PCCA: variants seen among roughly 807,000 people sequenced by gnomAD.
PCCA encodes propionyl-CoA carboxylase subunit alpha.
PCCA carries 74 observed loss-of-function variants against 101.3 expected under a neutral mutation model. The observed-to-expected ratio is 0.73, with a 90% CI of 0.61 to 0.89. PCCA has a LOEUF of 0.89. Among genes scored for constraint, PCCA ranks in the 40% least tolerant of loss-of-function variants. The probability of loss-of-function intolerance (pLI) is 0.00; values close to 1 mark genes in which losing one functional copy is unlikely to be tolerated. For synonymous variants in PCCA, 294 were observed against 313.6 expected (o/e 0.94, Z 0.66); for missense variants, 891 against 907.0 (o/e 0.98, Z 0.23).
intron 21 of PCCA, among the ~76,000 whole-genome samples, chr13:100,511,633 G>A (rs1425400519): frequency 6.6e-6 from 1 of 152,164 alleles, no homozygotes; most frequent in Non-Finnish European, 1.5e-5. Context: ...AATTGTTACT[G>A]GAAGAATGAC....
At chr13:100,353,151 AC>A (rs1175811885) in intron 18 of PCCA, among the ~76,000 whole-genome samples, 1 of 152,218 alleles carries the variant, frequency 6.6e-6, no homozygotes, top group Admixed American at 6.5e-5. Context: ...GTGAAGCAAA[AC>A]TGAGACAAAG....
chr13:100,360,951 A>G (rs2074505653), intron 18 of PCCA, among the ~76,000 whole-genome samples: 1 of 152,250 alleles, frequency 6.6e-6, no homozygotes, highest in Non-Finnish European at 1.5e-5. Context: ...GTACAATGGA[A>G]TATTATTTAG....
chr13:100,156,342 A>G (rs1230477592), intron 5 of PCCA, among the ~76,000 whole-genome samples: 1 of 152,220 alleles, frequency 6.6e-6, no homozygotes, highest in Non-Finnish European at 1.5e-5. Flanking sequence ...TGCTGGGATT[A>G]CAGGCAGGAG....
intron 8 of PCCA, among the ~76,000 whole-genome samples, chr13:100,238,561 A>T (rs972803890): frequency 2.0e-5 from 3 of 152,130 alleles, no homozygotes; most frequent in Admixed American, 6.5e-5. Context: ...TGTTTTGCTT[A>T]TACTGAAAGA....
At chr13:100,514,305 G>A (rs1255492814) in intron 21 of PCCA, among the ~76,000 whole-genome samples, 1 of 152,156 alleles carries the variant, frequency 6.6e-6, no homozygotes, top group Non-Finnish European at 1.5e-5. Flanking sequence ...ACCCTTTTCA[G>A]TAGGCCCTGT....
At chr13:100,493,389 G>A (rs1318172533) in intron 21 of PCCA, among the ~76,000 whole-genome samples, 1 of 152,178 alleles carries the variant, frequency 6.6e-6, no homozygotes, top group Non-Finnish European at 1.5e-5. Context: ...CTGATCAGGG[G>A]AGGCCACTAG....
intron 1 of PCCA, among the ~76,000 whole-genome samples, chr13:100,091,961 G>T (rs2046320079): frequency 6.6e-6 from 1 of 151,532 alleles, no homozygotes; most frequent in South Asian, 2.1e-4. Flanking sequence ...TCGCTCTGTT[G>T]CCAGGCTGGA....
intron 6 of PCCA, among the ~76,000 whole-genome samples, chr13:100,180,078 G>C (rs1256143925): frequency 6.6e-6 from 1 of 152,130 alleles, no homozygotes; most frequent in Non-Finnish European, 1.5e-5. Context: ...ATTTAGGTCT[G>C]AGTGCATTGG....
At chr13:100,388,454 A>T (rs576307711) in intron 19 of PCCA, among the ~76,000 whole-genome samples, 1 of 152,330 alleles carries the variant, frequency 6.6e-6, no homozygotes, top group African/African-American at 2.4e-5. Flanking sequence ...ACAGAGTGAG[A>T]CCCCATCTCA....
intron 4 of PCCA, among the ~76,000 whole-genome samples, chr13:100,126,758 A>T (rs762244514): frequency 3.9e-5 from 6 of 152,220 alleles, no homozygotes; most frequent in Non-Finnish European, 8.8e-5. Flanking sequence ...TTATATCTCT[A>T]GGCAAATTTA....
At chr13:100,529,207 C>A (rs1161380608) in intron 23 of PCCA, among the ~76,000 whole-genome samples, 1 of 152,056 alleles carries the variant, frequency 6.6e-6, no homozygotes, top group Non-Finnish European at 1.5e-5. Flanking sequence ...CTTTTCCTCC[C>A]AGAGAAAAAA....
intron 7 of PCCA, among the ~76,000 whole-genome samples, chr13:100,234,047 T>A (rs900690984): frequency 2.0e-5 from 3 of 152,256 alleles, no homozygotes; most frequent in African/African-American, 7.2e-5. Flanking sequence ...CAGTTTATTT[T>A]CTCTCATCAC....
intron 8 of PCCA, among the ~76,000 whole-genome samples, chr13:100,237,776 T>C (rs1017809749): frequency 6.6e-6 from 1 of 152,096 alleles, no homozygotes; most frequent in Non-Finnish European, 1.5e-5. Flanking sequence ...TAGAGAAATT[T>C]AGGGAAATAA....
At chr13:100,367,933 G>A (rs1389128425) in intron 18 of PCCA, among the ~76,000 whole-genome samples, 4 of 151,548 alleles carry the variant, frequency 2.6e-5, no homozygotes, top group East Asian at 1.9e-4. Context: ...ACTCCAGCCC[G>A]GGCGACAGTG....
intron 7 of PCCA, among the ~76,000 whole-genome samples, chr13:100,216,383 G>T (rs114682525): frequency 6.6e-6 from 1 of 152,230 alleles, no homozygotes; most frequent in Non-Finnish European, 1.5e-5. Context: ...TAATGGTGTA[G>T]TAGGGAGCTT....
intron 8 of PCCA, among the ~76,000 whole-genome samples, chr13:100,254,003 A>G (rs548208707): frequency 6.6e-6 from 1 of 152,206 alleles, no homozygotes; most frequent in South Asian, 2.1e-4. Flanking sequence ...GTGTATAAAG[A>G]AAAAGAGGTT....
rs562239753 is a variant in PCCA at position 100,283,801 on chromosome 13, A to G, written c.1065+10455A>G. 2.6e-5 allele frequency among the ~76,000 whole-genome samples: 4 copies of G among 152,358 alleles called. No homozygotes were observed. In the East Asian group the frequency reaches 7.7e-4, roughly 29 times the overall value. The stretch of plus-strand genomic sequence containing the variant: ...AAATGGAGCAGGCCAATCACCTGGT[A>G]GGGCTTGTTATCAGTGTGGTTTACT... On this transcript the variant is annotated intron_variant, in intron 12 of 23. Coordinates refer to ENST00000376285, the MANE Select transcript of PCCA (RefSeq NM_000282.4).
chr13:100,141,552 A>G (rs1259549279), intron 4 of PCCA, among the ~76,000 whole-genome samples: 3 of 152,114 alleles, frequency 2.0e-5, no homozygotes, highest in Non-Finnish European at 4.4e-5. Flanking sequence ...CTGGGATTAC[A>G]GGCATGCACC....
intron 1 of PCCA, among the ~76,000 whole-genome samples, chr13:100,091,453 G>C (rs1174344497): frequency 6.6e-6 from 1 of 152,082 alleles, no homozygotes; most frequent in East Asian, 1.9e-4. Flanking sequence ...TGTTTGTGCC[G>C]GTAAAGAATT....
Sources: allele counts gnomAD v4.1 joint callset (sites outside exome capture counted in the v4.1 genomes callset), GRCh38; gene constraint gnomAD v4.1.1; transcripts MANE v1.5; gene names NCBI Gene and HGNC (gene_info 2026-07-23, HGNC 2026-07-21).